TASOR: variants seen among roughly 807,000 people sequenced by gnomAD.
TASOR encodes the protein transcription activation suppressor, also known as protein TASOR.
TASOR carries 53 observed loss-of-function variants against 178.6 expected under a neutral mutation model. That is an observed-to-expected ratio of 0.30 (90% confidence interval 0.24 to 0.37). The LOEUF is 0.37. Ranked by LOEUF, TASOR falls within the 10% of genes least tolerant of loss-of-function variation. The pLI, the probability that TASOR is intolerant of heterozygous loss-of-function variation, is 1.00. For missense variants in TASOR, 1,815 were observed against 1,971.4 expected, an observed-to-expected ratio of 0.92 and a Z score of 1.50; for synonymous variants, 713 against 696.2, an observed-to-expected ratio of 1.02 and a Z score of -0.38.
chr3:56,648,814 G>A lies in TASOR; in HGVS notation c.1513+8C>T, dbSNP rs771655435. The A allele has an allele frequency of 3.1e-6, 5 of 1,594,428 alleles. No homozygotes were observed. Among genetic ancestry groups the A allele is most frequent in the Non-Finnish European group, 4.3e-6 (5 of 1,167,602 alleles). On this transcript the variant is annotated splice_region_variant and intron_variant, in intron 13 of 23. Transcript: ENST00000683822. Reference sequence around the variant, plus strand: ...AAGTAACCAGATTTAGATATTCAAAGAACTTACAAGTAACTATGCTTCTAG... The same window carrying A: ...AAGTAACCAGATTTAGATATTCAAAAAACTTACAAGTAACTATGCTTCTAG...
intron 7 of TASOR, chr3:56,664,100 TA>T (rs11323814): frequency 0.19 from 27,579 of 141,466 alleles, 3,231 homozygotes; most frequent in South Asian, 0.36. Context: ...AGTATAGAGG[TA>T]AAAAAAAAAA....
intron 6 of TASOR, among the ~76,000 whole-genome samples, chr3:56,666,695 C>T (rs933471184): frequency 4.6e-5 from 7 of 152,032 alleles, no homozygotes; most frequent in African/African-American, 1.7e-4. Context: ...CCCAGGTCAG[C>T]TCAGAATAGC....
At chr3:56,650,272 G>A (rs1483368676) in intron 11 of TASOR, among the ~76,000 whole-genome samples, 1 of 152,160 alleles carries the variant, frequency 6.6e-6, no homozygotes, top group Non-Finnish European at 1.5e-5. Flanking sequence ...AGGACAAAAA[G>A]TAACTGTGCT....
Position 56,682,957 on chromosome 3 carries a change from C to T in TASOR, c.50G>A (p.Trp17Ter), listed in dbSNP as rs1269660162. 2 of 1,549,496 alleles carry T rather than the reference C, an allele frequency of 1.3e-6. No homozygotes were observed. The highest frequency in any genetic ancestry group is 2.7e-5 in the African/African-American group (2 of 73,018). Residue 17 changes from tryptophan to a stop codon, truncating the protein, a stop_gained, in exon 1 of 24, where the codon TGG becomes TAG. Transcript: ENST00000683822. LOFTEE classifies it high-confidence loss of function. ...GTCGTCTCCGCCGCCGCCACTTTCC[C>T]AACTCGCATCCGTCGGCTGACAGGC... Reference protein sequence around the residue: ...TEACQPTDASWESGGGGDDEM... With the variant: ...TEACQPTDAS
chr3:56,676,097 T>C (rs1349550165), intron 1 of TASOR, among the ~76,000 whole-genome samples: 1 of 152,214 alleles, frequency 6.6e-6, no homozygotes, highest in Non-Finnish European at 1.5e-5. Context: ...ATAATCAAAC[T>C]TGTAGCAGAC....
intron 1 of TASOR, among the ~76,000 whole-genome samples, chr3:56,674,093 C>A (rs765357085): frequency 1.3e-5 from 2 of 150,734 alleles, no homozygotes; most frequent in Non-Finnish European, 2.9e-5. Flanking sequence ...ATGTCTCAGA[C>A]TGTGTATTTC....
chr3:56,631,929 C>T (rs1225333656), intron 18 of TASOR, among the ~76,000 whole-genome samples: 1 of 152,040 alleles, frequency 6.6e-6, no homozygotes, highest in African/African-American at 2.4e-5. Flanking sequence ...TAGTCTGCAG[C>T]TTCGGTAGAA....
At position 56,649,020 on chromosome 3, in the gene TASOR, A is replaced by C; in HGVS notation, c.1406T>G (p.Phe469Cys). The C allele has an allele frequency of 6.2e-7, 1 of 1,609,164 alleles. No homozygotes were observed. Among genetic ancestry groups the C allele is most frequent in the Non-Finnish European group, 8.5e-7 (1 of 1,178,668 alleles). Reference protein sequence around the residue: ...VKPLGDRGYLFLLSPYQMVPP... With the variant: ...VKPLGDRGYLCLLSPYQMVPP... The stretch of plus-strand genomic sequence containing the variant: ...AACCATCTGATAAGGGGAGAGAAGA[A>C]AAAGGTATCCTCGGTCTCCCAAAGG... Residue 469 changes from phenylalanine (F) to cysteine (C), a missense_variant, in exon 12 of 24, where the codon TTT becomes TGT. By Grantham distance (205) the Phe-to-Cys change is radical (BLOSUM62 -2). Around this residue, in one of 5 missense-constraint regions of TASOR, gnomAD observed 504 missense variants for 645.3 expected, o/e 0.78. Transcript: ENST00000683822.
rs111854641 is a variant in TASOR at position 56,675,177 on chromosome 3, ATT to A, written c.332-1454_332-1453del. Reference sequence around the variant, plus strand: ...CCCCAACCATTCTACATCCCACTGAATTTTTTTTTTTTTTGAGATGGAGTTTC... The same window carrying A: ...CCCCAACCATTCTACATCCCACTGAATTTTTTTTTTTTGAGATGGAGTTTC... On this transcript the variant is annotated intron_variant, in intron 1 of 23. Coordinates refer to ENST00000683822, the MANE Select transcript of TASOR (RefSeq NM_001365635.2). 6.5e-3 allele frequency among the ~76,000 whole-genome samples: 900 copies of A among 138,572 alleles called. 5 individuals carry two copies. The highest frequency in any genetic ancestry group is 0.02 in the African/African-American group (770 of 37,630). 90.9% of individuals were successfully genotyped at this position (138,572 alleles called of 152,430 possible).
In TASOR at chr3:56,624,977, G is replaced by A. The variant is rs770863342; in HGVS notation, c.4169C>T (p.Thr1390Met). 1.1e-5 allele frequency: 18 copies of A among 1,614,098 alleles called. No homozygotes were observed. Among genetic ancestry groups the A allele is most frequent in the East Asian group, 8.9e-5 (4 of 44,870 alleles). The part of the protein sequence containing the change: ...RLNAKALSLL[T>M]LLNVYQKKHL... ...TTTCTTCTGATAGACATTCAGAAGC[G>A]TCAACAGACTTAGAGCTTTAGCATT... The change falls in exon 22 of 24, where the codon ACG becomes ATG. Residue 1390 changes from threonine to methionine, a missense_variant. By Grantham distance (81) the Thr-to-Met change is moderately conservative. Coordinates refer to ENST00000683822, the MANE Select transcript of TASOR (RefSeq NM_001365635.2).
rs188797671 is a variant in TASOR, at chr3:56,653,766, G to C, written c.1369-4709C>G. 2.3e-4 allele frequency among the ~76,000 whole-genome samples: 35 copies of C among 152,010 alleles called. 1 individual carries two copies. The South Asian group carries it at 3.3e-3, about 14-fold the overall frequency. ...TAAATTAGAAATAAAAAAGACAAAA[G>C]TATCCCTGTTTCCCTATACACATAC... On this transcript the variant is annotated intron_variant, in intron 11 of 23. Coordinates refer to ENST00000683822, the MANE Select transcript of TASOR (RefSeq NM_001365635.2).
At chr3:56,632,698 T>C (rs9877962) in intron 18 of TASOR, among the ~76,000 whole-genome samples, 1,993 of 152,300 alleles carry the variant, frequency 0.013, 38 homozygotes, top group African/African-American at 0.044. Flanking sequence ...TTACCTAGGC[T>C]GGCACAATCA....
At chr3:56,680,147 A>G (rs1007328857) in intron 1 of TASOR, among the ~76,000 whole-genome samples, 15 of 152,308 alleles carry the variant, frequency 9.8e-5, no homozygotes, top group African/African-American at 3.4e-4. Flanking sequence ...TATAGTAGTA[A>G]AAGTACTCTA....
Position 56,628,579 on chromosome 3 carries a change from A to T in TASOR, c.3783T>A (p.His1261Gln). 1 of 1,589,080 alleles carries T rather than the reference A, an allele frequency of 6.3e-7. No homozygotes were observed. Among genetic ancestry groups the T allele is most frequent in the South Asian group, 1.1e-5 (1 of 88,782 alleles). Residue 1261 changes from histidine (H) to glutamine (Q), a missense_variant, in exon 19 of 24, where the codon CAT (histidine) becomes CAA (glutamine). Transcript: ENST00000683822. ...ATCTTCTTTCCAAAAACTGTTCAGG[A>T]TGACATTCTGTATTGCCTAATTTGA... Reference protein sequence around the residue: ...YLIKLGNTECHPEQFLERRSK... With the variant: ...YLIKLGNTECQPEQFLERRSK...
At position 56,664,100 on chromosome 3, in the gene TASOR, T is replaced by TA. The variant is rs11323814; in HGVS notation, c.1023-529dup. 890 of 141,572 alleles carry TA rather than the reference T, an allele frequency of 6.3e-3. 5 individuals are homozygous for TA. Among genetic ancestry groups the TA allele is most frequent in the Middle Eastern group, 0.011 (3 of 270 alleles). The allele number at this position is 141,572 out of a possible 1,614,324, so 8.8% of individuals were successfully genotyped here. On this transcript the variant is annotated intron_variant, in intron 7 of 23. Coordinates refer to ENST00000683822, the MANE Select transcript of TASOR (RefSeq NM_001365635.2). ...AAAAAGAGACATAAGAGTATAGAGG[T>TA]AAAAAAAAAAAACAGAGAAACCTCA...
Position 56,621,628 on chromosome 3 carries a change from A to G in TASOR, c.*1409T>C. On this transcript the variant is annotated 3_prime_UTR_variant, in exon 24 of 24. Coordinates refer to ENST00000683822, the MANE Select transcript of TASOR (RefSeq NM_001365635.2). ...TGGTTCTTCATTTTAAATGTAGAAA[A>G]TCAAATCCTTCACATTTGATTTGTG... 1 of 1,570,960 alleles carries G rather than the reference A, an allele frequency of 6.4e-7. No individual in the cohort carries two copies. The highest frequency in any genetic ancestry group is 8.7e-7 in the Non-Finnish European group (1 of 1,149,528).
intron 1 of TASOR, among the ~76,000 whole-genome samples, chr3:56,674,783 G>A (rs1315076289): frequency 6.6e-6 from 1 of 152,124 alleles, no homozygotes; most frequent in South Asian, 2.1e-4. Flanking sequence ...TAGACAACAC[G>A]TGGAAAAAGC....
At position 56,673,687 on chromosome 3, in the gene TASOR, C is replaced by T. The variant is rs377212752; in HGVS notation, c.370G>A (p.Glu124Lys). Residue 124 changes from glutamate (E) to lysine (K), a missense_variant, in exon 2 of 24, where the codon GAA becomes AAA. By Grantham distance (56) the Glu-to-Lys change is moderately conservative. Transcript: ENST00000683822. ...GAATGGAGAATATTTACAACATCTT[C>T]AAATTCTCGAGAGCCTGGAGTTAAT... ...QPLTPGSREF[E>K]DVVNILHSSY... is the part of the protein sequence containing the mutation. 1 of 1,549,470 alleles carries T rather than the reference C, an allele frequency of 6.5e-7. No homozygotes were observed. The highest frequency in any genetic ancestry group is 8.7e-7 in the Non-Finnish European group (1 of 1,146,382).
intron 9 of TASOR, among the ~76,000 whole-genome samples, chr3:56,661,539 A>C (rs2077595581): frequency 6.6e-6 from 1 of 152,196 alleles, no homozygotes; most frequent in Non-Finnish European, 1.5e-5. Context: ...TCCATCCTTA[A>C]GCCAGAAACT....
Sources: gnomAD v4.1 joint callset for allele counts (sites outside exome capture counted in the v4.1 genomes callset) on GRCh38, gnomAD v4.1.1 for gene constraint, gnomAD v4.1.1 regional missense constraint, MANE v1.5 for transcripts, NCBI Gene and HGNC (gene_info 2026-07-23, HGNC 2026-07-21) for gene names.